The following PIK3R3 variants were observed in gnomAD, a reference collection of about 807,000 sequenced individuals.
PIK3R3 encodes phosphoinositide-3-kinase regulatory subunit 3, also known as phosphatidylinositol 3-kinase regulatory subunit gamma.
In PIK3R3, 64 loss-of-function variants were observed where a neutral mutation model predicts 62.9. The ratio of observed to expected loss-of-function variants is 1.02; its 90% CI spans 0.83 to 1.25. PIK3R3 has a LOEUF of 1.25. PIK3R3 is among the 50% of genes most tolerant of loss of function. PIK3R3 has a pLI of 0.00. For missense variants in PIK3R3, 614 were observed against 561.6 expected (o/e 1.09, Z -0.94); for synonymous variants, 165 against 189.0 (o/e 0.87, Z 1.04).
intron 1 of PIK3R3, among the ~76,000 whole-genome samples, chr1:46,108,938 T>A (rs1653460181): frequency 6.6e-6 from 1 of 152,150 alleles, no homozygotes; most frequent in Non-Finnish European, 1.5e-5. Flanking sequence ...GGCGGGCGGA[T>A]CACGAGGTCA....
At chr1:46,121,781 G>A (rs1294949799) in intron 1 of PIK3R3, among the ~76,000 whole-genome samples, 1 of 152,174 alleles carries the variant, frequency 6.6e-6, no homozygotes, top group African/African-American at 2.4e-5. Context: ...CATGAAACAG[G>A]AAGTCCAAGT....
At chr1:46,067,521 G>T (rs1339008454) in intron 3 of PIK3R3, among the ~76,000 whole-genome samples, 1 of 151,536 alleles carries the variant, frequency 6.6e-6, no homozygotes, top group African/African-American at 2.4e-5. Context: ...ATGTCTCTGT[G>T]GGGGGAGCAG....
At chr1:46,130,030 A>C (rs1655439875) in intron 1 of PIK3R3, among the ~76,000 whole-genome samples, 1 of 152,184 alleles carries the variant, frequency 6.6e-6, no homozygotes, top group Middle Eastern at 3.2e-3. Context: ...ATAACAGTCA[A>C]CTTTTCTTAA....
At chr1:46,127,946 C>T (rs1410600647) in intron 1 of PIK3R3, among the ~76,000 whole-genome samples, 2 of 152,216 alleles carry the variant, frequency 1.3e-5, no homozygotes, top group African/African-American at 2.4e-5. Flanking sequence ...AGACATTAAA[C>T]TCCCATTTGG....
the PIK3R3 span, among the ~76,000 whole-genome samples, chr1:46,161,603 C>T: frequency 6.6e-6 from 1 of 152,292 alleles, no homozygotes; most frequent in East Asian, 1.9e-4. Flanking sequence ...GGCATGGTGG[C>T]ATGCACCTAT....
chr1:46,054,828 A>C (rs1647717777), intron 7 of PIK3R3, among the ~76,000 whole-genome samples: 1 of 152,216 alleles, frequency 6.6e-6, no homozygotes, highest in Non-Finnish European at 1.5e-5. Context: ...CTCATACTAA[A>C]GAATTAGGTT....
chr1:46,170,178 A>T, the PIK3R3 span, among the ~76,000 whole-genome samples: 10 of 152,290 alleles, frequency 6.6e-5, 1 homozygote, highest in South Asian at 1.0e-3. Flanking sequence ...TATGATAAGA[A>T]GTCTTACTAA....
chr1:46,067,126 T>C (rs1328873775), intron 3 of PIK3R3, 35 bp from the exon 4 acceptor site: 16 of 1,480,600 alleles, frequency 1.1e-5, no homozygotes, highest in Non-Finnish European at 1.4e-5. Flanking sequence ...TGGATTTTTT[T>C]CCCCCAAATT....
upstream of PIK3R3, among the ~76,000 whole-genome samples, chr1:46,137,294 G>A (rs1655965745): frequency 6.6e-6 from 1 of 152,236 alleles, no homozygotes. Context: ...AGAATTCATA[G>A]AGGAGGGACC....
In PIK3R3 at chr1:46,116,990, T is replaced by G. The variant is rs6682524; in HGVS notation, c.106+14857A>C. Among the ~76,000 whole-genome samples the G allele has an allele frequency of 4.2e-3, 633 of 152,274 alleles. 3 individuals carry two copies. The highest frequency in any genetic ancestry group is 0.014 in the African/African-American group (583 of 41,544). On this transcript the variant is annotated intron_variant, in intron 1 of 9. Transcript: ENST00000262741. ...AAAAAGAAAATAACATAAATCTCTATTAATTATTCTCAGAAAGCAAGAACT... is the reference window on the plus strand; with the variant it reads ...AAAAAGAAAATAACATAAATCTCTAGTAATTATTCTCAGAAAGCAAGAACT...
the PIK3R3 span, among the ~76,000 whole-genome samples, chr1:46,173,199 C>T: frequency 6.6e-6 from 1 of 152,088 alleles, no homozygotes; most frequent in African/African-American, 2.4e-5. Flanking sequence ...CCTCTGATTT[C>T]CTCAGGTTAT....
chr1:46,165,896 G>A, the PIK3R3 span, among the ~76,000 whole-genome samples: 3 of 148,694 alleles, frequency 2.0e-5, no homozygotes, highest in East Asian at 4.1e-4. Context: ...TCAGCCTCCC[G>A]AGTAGCTGGG....
chr1:46,124,117 G>A (rs1654893014), intron 1 of PIK3R3, among the ~76,000 whole-genome samples: 2 of 152,128 alleles, frequency 1.3e-5, no homozygotes, highest in Non-Finnish European at 2.9e-5. Context: ...AGGTAGACAT[G>A]GGATAATTAC....
At chr1:46,148,511 A>G in the PIK3R3 span, among the ~76,000 whole-genome samples, 1 of 152,182 alleles carries the variant, frequency 6.6e-6, no homozygotes, top group East Asian at 1.9e-4. Flanking sequence ...TCATCAGCCT[A>G]GCTTGGATCA....
At chr1:46,126,509 C>T (rs1655104750) in intron 1 of PIK3R3, among the ~76,000 whole-genome samples, 1 of 150,840 alleles carries the variant, frequency 6.6e-6, no homozygotes, top group South Asian at 2.1e-4. Context: ...CTGCACTCCA[C>T]TCTGGGCAAA....
At chr1:46,171,574 G>C in the PIK3R3 span, among the ~76,000 whole-genome samples, 1 of 152,256 alleles carries the variant, frequency 6.6e-6, no homozygotes, top group East Asian at 1.9e-4. Context: ...TGTGGGGTTG[G>C]AGCTGGGCTT....
At chr1:46,139,303 C>CTTTTTTTTTTTTTTTTTTTTTT in the PIK3R3 span, among the ~76,000 whole-genome samples, 1 of 144,564 alleles carries the variant, frequency 6.9e-6, no homozygotes. Context: ...CCACGTGCTT[C>CTTTTTTTTTTTTTTTTTTTTTT]TTTTTTTTTT....
At position 46,072,074 on chromosome 1, in the gene PIK3R3, A is replaced by C. The variant is rs1649590707; in HGVS notation, c.315-4983T>G. 2.0e-5 allele frequency among the ~76,000 whole-genome samples: 3 copies of C among 152,260 alleles called. No homozygotes were observed. In the South Asian group the frequency reaches 6.2e-4, roughly 32 times the overall value. On this transcript the variant is annotated intron_variant, in intron 3 of 9. Transcript: ENST00000262741. ...CCTATCCCCTTCAAGATATTCTGCA[A>C]ATGTAATCTCTTCTGTGAAGGTCAG...
intron 7 of PIK3R3, among the ~76,000 whole-genome samples, chr1:46,047,780 G>A (rs565003367): frequency 1.3e-5 from 2 of 152,154 alleles, no homozygotes; most frequent in African/African-American, 4.8e-5. Context: ...TTGTTTGGTT[G>A]GTTGGTTGGG....
Sources: gnomAD v4.1 joint callset for allele counts (sites outside exome capture counted in the v4.1 genomes callset) on GRCh38, gnomAD v4.1.1 for gene constraint, MANE v1.5 for transcripts, NCBI Gene and HGNC (gene_info 2026-07-23, HGNC 2026-07-21) for gene names.